PCDHA4: variants seen among roughly 807,000 people sequenced by gnomAD.
PCDHA4 encodes the protein protocadherin alpha 4, also known as protocadherin alpha-4.
Under a neutral mutation model 61.4 loss-of-function variants are expected in PCDHA4, and 49 were observed. That is an observed-to-expected ratio of 0.80 (90% confidence interval 0.63 to 1.01). The LOEUF (loss-of-function observed/expected upper bound fraction) is 1.01. Among genes scored for constraint, PCDHA4 ranks in the 50% least tolerant of loss-of-function variants. PCDHA4 has a pLI of 0.00. For missense variants in PCDHA4, 1,254 were observed against 1,235.8 expected (o/e 1.01, Z -0.22); for synonymous variants, 590 against 550.3 (o/e 1.07, Z -1.01).
chr5:140,886,102 G>A (rs1040004596), intron 1 of PCDHA4, among the ~76,000 whole-genome samples: 17 of 152,136 alleles, frequency 1.1e-4, no homozygotes, highest in Admixed American at 1.3e-4. Flanking sequence ...CATTGATACA[G>A]TAAAGAAGTA....
intron 1 of PCDHA4, among the ~76,000 whole-genome samples, chr5:140,939,879 T>C (rs565550218): frequency 2.0e-5 from 3 of 152,208 alleles, no homozygotes; most frequent in Non-Finnish European, 4.4e-5. Flanking sequence ...CTTTGCTAGT[T>C]GTGTTGTTCA....
chr5:140,993,087 G>T (rs1476981409), intron 3 of PCDHA4, among the ~76,000 whole-genome samples: 2 of 152,188 alleles, frequency 1.3e-5, no homozygotes, highest in African/African-American at 4.8e-5. Flanking sequence ...AATCAGCAGG[G>T]CTATGTTTAT....
At chr5:140,956,953 C>T (rs1347983778) in intron 1 of PCDHA4, among the ~76,000 whole-genome samples, 1 of 135,202 alleles carries the variant, frequency 7.4e-6, no homozygotes, top group Non-Finnish European at 1.7e-5. Flanking sequence ...CATTAAAACA[C>T]TGTAATTAAT....
intron 1 of PCDHA4, among the ~76,000 whole-genome samples, chr5:140,964,473 T>C (rs1457345251): frequency 6.6e-6 from 1 of 152,068 alleles, no homozygotes; most frequent in Non-Finnish European, 1.5e-5. Flanking sequence ...TGCCTATGAT[T>C]TTTTCACAGT....
At chr5:140,918,846 C>T (rs1261805257) in intron 1 of PCDHA4, among the ~76,000 whole-genome samples, 1 of 152,140 alleles carries the variant, frequency 6.6e-6, no homozygotes, top group African/African-American at 2.4e-5. Flanking sequence ...ACTAAATCTG[C>T]TGGTGCCTGA....
chr5:140,856,168 C>T lies in PCDHA4; in HGVS notation c.2385+46596C>T, dbSNP rs781959235. On this transcript the variant is annotated intron_variant, in intron 1 of 3. Transcript: ENST00000530339. ...ACTCAGTCTACGAGGAGGCCAGACA[C>T]GGCACCTTCGTGGGCCGCATCGCGC... 25 of 1,598,198 alleles carry T rather than the reference C, an allele frequency of 1.6e-5. 4 individuals carry two copies. The highest frequency in any genetic ancestry group is 2.1e-5 in the Non-Finnish European group (24 of 1,167,912).
Position 141,010,530 on chromosome 5 carries a change from A to T in PCDHA4, c.*593A>T, listed in dbSNP as rs188140091. 45 of 414,090 alleles carry T rather than the reference A, an allele frequency of 1.1e-4. No homozygotes were observed. In the Admixed American group the frequency reaches 1.6e-3, roughly 15 times the overall value. The allele number at this position is 414,090 out of a possible 1,614,324, so 25.7% of individuals were successfully genotyped here. On this transcript the variant is annotated 3_prime_UTR_variant, in exon 4 of 4. Coordinates refer to ENST00000530339, the MANE Select transcript of PCDHA4 (RefSeq NM_018907.4). ...TCTTACAACTCAAGAGGTGGCAGCC[A>T]CCCTCTAGGAGACAAAACTACCCCC... is the stretch of plus-strand genomic sequence containing the variant.
At chr5:140,836,381 G>T (rs2150259346) in intron 1 of PCDHA4, 8 of 1,613,746 alleles carry the variant, frequency 5.0e-6, no homozygotes, top group South Asian at 1.1e-5. Context: ...CCACCGTGCT[G>T]GTGTCGCTGG....
intron 1 of PCDHA4, among the ~76,000 whole-genome samples, chr5:140,921,272 C>T (rs2080137544): frequency 6.6e-6 from 1 of 152,074 alleles, no homozygotes; most frequent in African/African-American, 2.4e-5. Context: ...TTTATACTTA[C>T]TTGAAAAAAA....
intron 1 of PCDHA4, among the ~76,000 whole-genome samples, chr5:140,970,978 A>G (rs2096449048): frequency 1.3e-5 from 2 of 152,188 alleles, no homozygotes; most frequent in African/African-American, 4.8e-5. Flanking sequence ...ATTAAGAAAA[A>G]TGGGGGAATA....
chr5:140,970,078 A>G (rs1260486106), intron 1 of PCDHA4, among the ~76,000 whole-genome samples: 2 of 152,124 alleles, frequency 1.3e-5, no homozygotes, highest in African/African-American at 4.8e-5. Context: ...TGAGTGGATT[A>G]GGGGTGTGGG....
intron 2 of PCDHA4, among the ~76,000 whole-genome samples, chr5:140,980,982 C>G (rs1208541065): frequency 6.6e-6 from 1 of 151,990 alleles, no homozygotes; most frequent in East Asian, 1.9e-4. Flanking sequence ...ACTGAGCCCA[C>G]ACAATTTGCT....
In PCDHA4 at chr5:140,922,322, GA is replaced by G. The variant is rs2080774913; in HGVS notation, c.2386-56624del. Among the ~76,000 whole-genome samples the G allele has an allele frequency of 2.0e-5, 3 of 152,302 alleles. No homozygotes were observed. The East Asian group carries it at 5.8e-4, about 29-fold the overall frequency. ...AGGATACCTTTCACTGAAGATCTTG[GA>G]AAGGGTTGGTATATTGGTATTTTCT... On this transcript the variant is annotated intron_variant, in intron 1 of 3. Transcript: ENST00000530339.
At chr5:140,877,928 TTC>T in intron 1 of PCDHA4, 1 of 1,415,260 alleles carries the variant, frequency 7.1e-7, no homozygotes, top group Non-Finnish European at 9.3e-7. Context: ...TTCTTTATGA[TTC>T]TATCCTTTAA....
At chr5:140,841,102 G>A (rs2150311111) in intron 1 of PCDHA4, 21 of 575,248 alleles carry the variant, frequency 3.7e-5, no homozygotes, top group Non-Finnish European at 9.0e-6. Flanking sequence ...CAGATATTGC[G>A]GAAGTAATTC....
At chr5:141,003,689 A>G (rs2098134450) in intron 3 of PCDHA4, among the ~76,000 whole-genome samples, 3 of 152,228 alleles carry the variant, frequency 2.0e-5, no homozygotes, top group African/African-American at 7.2e-5. Flanking sequence ...ATTTTAAAAT[A>G]TATCCCTACC....
rs1554239929 is a variant in PCDHA4 at position 140,978,939 on chromosome 5, G to A, written c.2386-10G>A. 1 of 1,613,986 alleles carries A rather than the reference G, an allele frequency of 6.2e-7. No individual in the cohort carries two copies. The highest frequency in any genetic ancestry group is 1.3e-5 in the African/African-American group (1 of 74,908). On this transcript the variant is annotated splice_polypyrimidine_tract_variant and intron_variant, in intron 1 of 3. Transcript: ENST00000530339. ...CATTTTAACAGAAAACTCTCTTTGTGATTTTGCAGCCACGACAGCCCAACC... is the reference window on the plus strand; with the variant it reads ...CATTTTAACAGAAAACTCTCTTTGTAATTTTGCAGCCACGACAGCCCAACC...
chr5:140,926,890 A>ACCCTCCCT (rs782687521), intron 1 of PCDHA4: 1 of 1,543,756 alleles, frequency 6.5e-7, no homozygotes, highest in Non-Finnish European at 8.7e-7. Context: ...GCCTAGAGGG[A>ACCCTCCCT]GGATGGTGGG....
At chr5:140,877,559 T>C in intron 1 of PCDHA4, 1 of 1,613,754 alleles carries the variant, frequency 6.2e-7, no homozygotes, top group South Asian at 1.1e-5. Context: ...CTGGTGGATA[T>C]TAACGTGTAC....
Sources: gnomAD v4.1 joint callset for allele counts (sites outside exome capture counted in the v4.1 genomes callset) on GRCh38, gnomAD v4.1.1 for gene constraint, MANE v1.5 for transcripts, NCBI Gene and HGNC (gene_info 2026-07-23, HGNC 2026-07-21) for gene names.